Variants in MOCOS observed in about 807,000 individuals in gnomAD.
MOCOS encodes the protein human molybdenum cofactor sulfurase.
In MOCOS, 86 loss-of-function variants were observed where a neutral mutation model predicts 83.6. The observed-to-expected ratio is 1.03, with a 90% CI of 0.86 to 1.23. The LOEUF (loss-of-function observed/expected upper bound fraction) is 1.23, where lower values mean the gene tolerates loss of function less well. MOCOS is among the 50% of genes most tolerant of loss of function. MOCOS has a pLI of 0.00. For synonymous variants in MOCOS, 445 were observed against 434.7 expected, an observed-to-expected ratio of 1.02 and a Z score of -0.29; for missense variants, 1,120 against 1,126.9, an observed-to-expected ratio of 0.99 and a Z score of 0.09.
intron 9 of MOCOS, among the ~76,000 whole-genome samples, chr18:36,241,055 C>T (rs1291243653): frequency 6.6e-6 from 1 of 152,180 alleles, no homozygotes; most frequent in African/African-American, 2.4e-5. Flanking sequence ...GTGAGATGAA[C>T]CCAGTACCTC....
chr18:36,195,207 C>A, intron 1 of MOCOS, 50 bp from the exon 2 acceptor site: 1 of 1,540,358 alleles, frequency 6.5e-7, no homozygotes, highest in Non-Finnish European at 9.0e-7. Flanking sequence ...TGGGCTTACA[C>A]AAACCAGATT....
At chr18:36,218,837 T>TTTTA (rs34171207) in intron 8 of MOCOS, among the ~76,000 whole-genome samples, 48,702 of 133,640 alleles carry the variant, frequency 0.36, 9,133 homozygotes, top group East Asian at 0.41. Context: ...CTTTATTTTA[T>TTTTA]TTTATTTATT....
chr18:36,219,940 C>T, intron 8 of MOCOS, 115 bp from the exon 9 acceptor site: 1 of 1,309,014 alleles, frequency 7.6e-7, no homozygotes, highest in Non-Finnish European at 1.1e-6. Context: ...TTTCTTCCTT[C>T]CAGTGTAGGT....
chr18:36,215,389 T>C (rs2091471912), intron 7 of MOCOS, 127 bp from the exon 8 acceptor site: 1 of 871,652 alleles, frequency 1.1e-6, no homozygotes, highest in African/African-American at 1.7e-5. Flanking sequence ...GCACAGCACA[T>C]ATTAATGTTG....
At chr18:36,246,533 G>A (rs755391565) in intron 9 of MOCOS, among the ~76,000 whole-genome samples, 7 of 152,226 alleles carry the variant, frequency 4.6e-5, no homozygotes, top group African/African-American at 7.2e-5. Flanking sequence ...AGGTGGCGGG[G>A]AGTAAAGTGG....
At chr18:36,221,127 T>C (rs934518970) in intron 9 of MOCOS, among the ~76,000 whole-genome samples, 1 of 152,178 alleles carries the variant, frequency 6.6e-6, no homozygotes, top group Non-Finnish European at 1.5e-5. Flanking sequence ...CTTTCTGTGG[T>C]GATGAAAATG....
intron 3 of MOCOS, 65 bp downstream of exon 3, chr18:36,198,821 T>G (rs867598375): frequency 4.1e-5 from 64 of 1,547,462 alleles, no homozygotes; most frequent in Middle Eastern, 1.7e-4. Flanking sequence ...TCCTAGGACT[T>G]GCCTGCATCC....
Position 36,266,865 on chromosome 18 carries a change from T to TG in MOCOS, c.2514+13dup, listed in dbSNP as rs2144160908. 2 of 1,599,040 alleles carry TG rather than the reference T, an allele frequency of 1.3e-6. No homozygotes were observed. The highest frequency in any genetic ancestry group is 2.7e-5 in the African/African-American group (2 of 74,708). On this transcript the variant is annotated intron_variant, in intron 14 of 14. Coordinates refer to ENST00000261326, the MANE Select transcript of MOCOS (RefSeq NM_017947.4). ...GTCGTGAAACAAAGGTAAGCGTGAT[T>TG]GCAAAATATGACACCTGGTTTCCAA...
At chr18:36,196,924 G>A (rs950744439) in intron 2 of MOCOS, among the ~76,000 whole-genome samples, 1 of 152,130 alleles carries the variant, frequency 6.6e-6, no homozygotes, top group Non-Finnish European at 1.5e-5. Flanking sequence ...GGCAAATTCT[G>A]CGTTAATGAG....
chr18:36,263,074 C>T (rs867386768), intron 13 of MOCOS, among the ~76,000 whole-genome samples: 2 of 152,102 alleles, frequency 1.3e-5, no homozygotes, highest in Non-Finnish European at 1.5e-5. Context: ...AAGCCACTGC[C>T]CTCCAGCCTG....
intron 6 of MOCOS, among the ~76,000 whole-genome samples, chr18:36,208,213 T>C (rs1432003164): frequency 6.6e-6 from 1 of 152,250 alleles, no homozygotes; most frequent in Non-Finnish European, 1.5e-5. Flanking sequence ...TAGTATAGTT[T>C]GATGTCATGT....
chr18:36,204,297 G>A (rs2091426170), intron 5 of MOCOS, among the ~76,000 whole-genome samples: 1 of 151,760 alleles, frequency 6.6e-6, no homozygotes, highest in African/African-American at 2.4e-5. Context: ...CCTATTCTTG[G>A]TAACTCATCT....
At chr18:36,206,215 CTTTATT>C (rs1206653537) in intron 6 of MOCOS, among the ~76,000 whole-genome samples, 1 of 142,512 alleles carries the variant, frequency 7.0e-6, no homozygotes, top group African/African-American at 2.6e-5. Flanking sequence ...GTACCTGGCA[CTTTATT>C]TTTATTTTAT....
intron 8 of MOCOS, among the ~76,000 whole-genome samples, chr18:36,217,784 G>A (rs965084974): frequency 3.9e-5 from 6 of 152,186 alleles, no homozygotes; most frequent in African/African-American, 1.4e-4. Flanking sequence ...GAAATAAGTG[G>A]AGGGGATGTA....
intron 11 of MOCOS, 37 bp downstream of exon 11, chr18:36,251,320 C>T: frequency 6.2e-7 from 1 of 1,610,186 alleles, no homozygotes; most frequent in Non-Finnish European, 8.5e-7. Context: ...AGAACAGGAA[C>T]CCTGGCTTAC....
chr18:36,222,439 CA>C (rs1027895745), intron 9 of MOCOS, among the ~76,000 whole-genome samples: 8 of 152,116 alleles, frequency 5.3e-5, no homozygotes, highest in African/African-American at 1.7e-4. Context: ...GCCATCCTGA[CA>C]GGGGTAGAGT....
chr18:36,231,337 G>T (rs879337657), intron 9 of MOCOS, among the ~76,000 whole-genome samples: 1 of 152,116 alleles, frequency 6.6e-6, no homozygotes, highest in Non-Finnish European at 1.5e-5. Flanking sequence ...AGTGATGTTT[G>T]TGTCTGTTTT....
intron 1 of MOCOS, among the ~76,000 whole-genome samples, chr18:36,191,758 A>G (rs964907403): frequency 4.1e-5 from 6 of 147,394 alleles, no homozygotes; most frequent in Non-Finnish European, 1.5e-5. Context: ...GTGCACACAC[A>G]CACACACACA....
chr18:36,265,316 C>T (rs752990256), intron 13 of MOCOS, among the ~76,000 whole-genome samples: 2 of 152,202 alleles, frequency 1.3e-5, no homozygotes, highest in African/African-American at 4.8e-5. Context: ...TTGAGACAGT[C>T]GTTATCTCAG....
Sources: allele counts gnomAD v4.1 joint callset (sites outside exome capture counted in the v4.1 genomes callset), GRCh38; gene constraint gnomAD v4.1.1; transcripts MANE v1.5; gene names NCBI Gene and HGNC (gene_info 2026-07-23, HGNC 2026-07-21).